The following NDUFAB1 variants were observed in gnomAD, a reference collection of about 807,000 sequenced individuals.
NDUFAB1 encodes NADH:ubiquinone oxidoreductase subunit AB1, also known as acyl carrier protein, mitochondrial.
In NDUFAB1, 5 loss-of-function variants were observed where a neutral mutation model predicts 16.1. The ratio of observed to expected loss-of-function variants is 0.31; its 90% CI spans 0.16 to 0.65. The LOEUF (loss-of-function observed/expected upper bound fraction) is 0.65. NDUFAB1 is among the 30% of genes least tolerant of loss of function. NDUFAB1 has a pLI of 0.77. For missense variants in NDUFAB1, 187 were observed against 205.3 expected (o/e 0.91, Z 0.54); for synonymous variants, 85 against 78.4 (o/e 1.08, Z -0.44).
intron 1 of NDUFAB1, among the ~76,000 whole-genome samples, chr16:23,589,164 CAT>C (rs770641160): frequency 1.3e-5 from 2 of 151,696 alleles, no homozygotes; most frequent in Non-Finnish European, 2.9e-5. Context: ...GGCGTGGTAA[CAT>C]GTGCCTGTAA....
chr16:23,590,566 T>G (rs1031883632), intron 1 of NDUFAB1, among the ~76,000 whole-genome samples: 4 of 152,140 alleles, frequency 2.6e-5, no homozygotes, highest in African/African-American at 9.7e-5. Flanking sequence ...AGCAGCTAGT[T>G]TGATACCTTG....
chr16:23,584,070 A>C (rs1025012603), intron 3 of NDUFAB1, among the ~76,000 whole-genome samples: 18 of 151,400 alleles, frequency 1.2e-4, no homozygotes, highest in Non-Finnish European at 2.2e-4. Flanking sequence ...CATGCTTGTT[A>C]AGAGTCATCA....
chr16:23,583,711 G>T (rs562354737), intron 3 of NDUFAB1, among the ~76,000 whole-genome samples: 25 of 143,596 alleles, frequency 1.7e-4, no homozygotes, highest in African/African-American at 6.5e-4. Flanking sequence ...CGCCCCGTCT[G>T]GGAAGTGAGG....
intron 2 of NDUFAB1, among the ~76,000 whole-genome samples, chr16:23,585,715 A>G (rs1166992928): frequency 1.3e-5 from 2 of 152,084 alleles, no homozygotes; most frequent in African/African-American, 4.8e-5. Flanking sequence ...CCTCTGTCCA[A>G]GTGACCTCAT....
At chr16:23,584,568 C>T (rs145756695) in intron 3 of NDUFAB1, among the ~76,000 whole-genome samples, 321 of 152,082 alleles carry the variant, frequency 2.1e-3, no homozygotes, top group African/African-American at 7.4e-3. Context: ...CACATCATCT[C>T]TAATTCTCAC....
chr16:23,587,387 TATAG>T, intron 1 of NDUFAB1, 68 bp from the exon 2 acceptor site: 1 of 1,570,478 alleles, frequency 6.4e-7, no homozygotes. Context: ...TGCACAAGCC[TATAG>T]GTAACTTTCA....
At chr16:23,588,965 ACT>A (rs1034420278) in intron 1 of NDUFAB1, among the ~76,000 whole-genome samples, 2 of 151,806 alleles carry the variant, frequency 1.3e-5, no homozygotes, top group Non-Finnish European at 1.5e-5. Context: ...ACAGAGCGAG[ACT>A]CTGTCTCAAA....
At chr16:23,582,750 C>G (rs1966191842) in intron 3 of NDUFAB1, among the ~76,000 whole-genome samples, 1 of 147,876 alleles carries the variant, frequency 6.8e-6, no homozygotes, top group African/African-American at 2.5e-5. Context: ...TCCCTCTTCC[C>G]ACGGTCTCCC....
chr16:23,583,211 G>C (rs974125633), intron 3 of NDUFAB1, among the ~76,000 whole-genome samples: 2 of 152,202 alleles, frequency 1.3e-5, no homozygotes, highest in Admixed American at 6.5e-5. Flanking sequence ...CCAAAGTGCC[G>C]AGATTGCAGC....
intron 4 of NDUFAB1, among the ~76,000 whole-genome samples, chr16:23,581,712 ACT>A (rs10561495): frequency 0.036 from 5,551 of 152,302 alleles, 353 homozygotes; most frequent in African/African-American, 0.13. Context: ...TGATATATAT[ACT>A]CTCTTCAATT....
At chr16:23,590,247 G>C (rs1214237287) in intron 1 of NDUFAB1, among the ~76,000 whole-genome samples, 1 of 152,214 alleles carries the variant, frequency 6.6e-6, no homozygotes, top group Non-Finnish European at 1.5e-5. Flanking sequence ...TGCCAATCTA[G>C]AGTGGGTGCT....
chr16:23,594,169 T>C (rs1200204861), intron 1 of NDUFAB1, among the ~76,000 whole-genome samples: 2 of 150,206 alleles, frequency 1.3e-5, no homozygotes, highest in African/African-American at 2.5e-5. Flanking sequence ...GCGTGAGCCA[T>C]CGCGCCTGGC....
At chr16:23,585,050 C>G (rs916077056) in intron 3 of NDUFAB1, among the ~76,000 whole-genome samples, 1 of 152,224 alleles carries the variant, frequency 6.6e-6, no homozygotes, top group Non-Finnish European at 1.5e-5. Flanking sequence ...TCTTAGAACC[C>G]TGTCTGAAGA....
chr16:23,584,265 A>AAAAAAAAAAAAAAAAAAAAAAG (rs1567407406), intron 3 of NDUFAB1, among the ~76,000 whole-genome samples: 1 of 134,368 alleles, frequency 7.4e-6, no homozygotes, highest in East Asian at 2.2e-4. Context: ...TAAAAAAAAA[A>AAAAAAAAAAAAAAAAAAAAAAG]AAAAAAAAAG....
intron 3 of NDUFAB1, among the ~76,000 whole-genome samples, chr16:23,582,630 A>C (rs1966190109): frequency 6.6e-6 from 1 of 151,468 alleles, no homozygotes; most frequent in Admixed American, 6.6e-5. Flanking sequence ...TCCTCCTTGT[A>C]TATACCATAT....
At chr16:23,590,727 C>G (rs1966273108) in intron 1 of NDUFAB1, among the ~76,000 whole-genome samples, 1 of 150,244 alleles carries the variant, frequency 6.7e-6, no homozygotes, top group African/African-American at 2.4e-5. Flanking sequence ...ACTTCTGCCT[C>G]CCAGGTTCAA....
At chr16:23,586,890 C>T (rs913636970) in intron 2 of NDUFAB1, among the ~76,000 whole-genome samples, 2 of 152,116 alleles carry the variant, frequency 1.3e-5, no homozygotes, top group African/African-American at 2.4e-5. Flanking sequence ...TCAGGTGATC[C>T]GCCCGCCTCG....
At chr16:23,582,090 A>T (rs1444664563) in intron 4 of NDUFAB1, 186 bp downstream of exon 4, 2 of 557,380 alleles carry the variant, frequency 3.6e-6, no homozygotes, top group African/African-American at 3.9e-5. Context: ...GACAGTTCTC[A>T]ACCTCTCAAA....
Position 23,587,146 on chromosome 16 carries a change from T to C in NDUFAB1, c.291+51A>G, listed in dbSNP as rs371648805. 3 of 1,538,708 alleles carry C rather than the reference T, an allele frequency of 1.9e-6. No homozygotes were observed. The African/African-American group carries it at 4.1e-5, about 21-fold the overall frequency. ...CTTTCCCTTTGCATTTTCTAGCATG[T>C]AATTAAATACTCTATATTTAAAGAA... is the stretch of plus-strand genomic sequence containing the variant. On this transcript the variant is annotated intron_variant, in intron 2 of 4. Transcript: ENST00000007516.
Sources: allele counts gnomAD v4.1 joint callset (sites outside exome capture counted in the v4.1 genomes callset), GRCh38; gene constraint gnomAD v4.1.1; transcripts MANE v1.5; gene names NCBI Gene and HGNC (gene_info 2026-07-23, HGNC 2026-07-21).